GRM4: variants seen among roughly 807,000 people sequenced by gnomAD.
GRM4 encodes the protein glutamate metabotropic receptor 4.
A neutral mutation model predicts 81.7 loss-of-function variants in GRM4; 28 were observed. The ratio of observed to expected loss-of-function variants is 0.34; its 90% CI spans 0.25 to 0.47. The LOEUF is 0.47. GRM4 is among the 20% of genes least tolerant of loss of function. GRM4 has a pLI of 1.00. For missense variants in GRM4, 948 were observed against 1,290.0 expected (o/e 0.73, Z 4.06); for synonymous variants, 488 against 528.8 (o/e 0.92, Z 1.06).
At chr6:34,057,560 C>T (rs750373175) in intron 5 of GRM4, among the ~76,000 whole-genome samples, 5 of 152,224 alleles carry the variant, frequency 3.3e-5, no homozygotes, top group Non-Finnish European at 7.3e-5. Context: ...AGCAGTACCC[C>T]GACCTCTACC....
In GRM4 at chr6:34,111,578, C is replaced by T. The variant is rs1018163008; in HGVS notation, c.520-19479G>A. 6.6e-6 allele frequency among the ~76,000 whole-genome samples: 1 copy of T among 152,088 alleles called. No homozygotes were observed. The highest frequency in any genetic ancestry group is 1.5e-5 in the Non-Finnish European group (1 of 68,006). ...CATGGTAGGCAAGAGAGTGCTGTCC[C>T]CCATCCACACCCCGGCAGGGGACAG... On this transcript the variant is annotated intron_variant, in intron 2 of 10. Transcript: ENST00000538487. This position sits in a 1 kb window ranked among gnomAD's most constrained non-coding sequence, Gnocchi z 5.1.
rs1581573765 is a variant in GRM4, at chr6:34,022,394, T to G, written c.*427A>C. 1.1e-5 allele frequency: 2 copies of G among 190,162 alleles called. No homozygotes were observed. The highest frequency in any genetic ancestry group is 2.2e-5 in the Non-Finnish European group (2 of 92,146). The allele number at this position is 190,162 out of a possible 1,614,324, so 11.8% of individuals were successfully genotyped here. On this transcript the variant is annotated 3_prime_UTR_variant, in exon 11 of 11. Transcript: ENST00000538487. The surrounding 1 kb of genome is among the most constrained non-coding windows in gnomAD (Gnocchi z 5.6). ...AAGGAGACACAGAAAAGGCCAAGAG[T>G]ACAAGCAGCCGGGGACGCCAGAGAG... is the stretch of plus-strand genomic sequence containing the variant.
rs1414240530 is a variant in GRM4, at chr6:34,042,877, C to A, written c.1169-2129G>T. On this transcript the variant is annotated intron_variant, in intron 6 of 10. Transcript: ENST00000538487. The surrounding 1 kb of genome is among the most constrained non-coding windows in gnomAD (Gnocchi z 4.2). The stretch of plus-strand genomic sequence containing the variant: ...AATCCTGGCCACACCAGTGGCCACA[C>A]CCACACAAGGATGTGGGGATGGGGG... Among the ~76,000 whole-genome samples the A allele has an allele frequency of 6.6e-6, 1 of 152,194 alleles. No homozygotes were observed. The highest frequency in any genetic ancestry group is 1.5e-5 in the Non-Finnish European group (1 of 68,018).
intron 2 of GRM4, among the ~76,000 whole-genome samples, chr6:34,112,788 A>G (rs1348611499): frequency 6.6e-6 from 1 of 152,074 alleles, no homozygotes; most frequent in Non-Finnish European, 1.5e-5. Context: ...TGAAACACCA[A>G]GAATGCGAGT....
At position 34,121,610 on chromosome 6, in the gene GRM4, C is replaced by T. The variant is rs553820772; in HGVS notation, c.519+11368G>A. On this transcript the variant is annotated intron_variant, in intron 2 of 10. Coordinates refer to ENST00000538487, the MANE Select transcript of GRM4 (RefSeq NM_000841.4). The surrounding 1 kb of genome is among the most constrained non-coding windows in gnomAD (Gnocchi z 4.6). The stretch of plus-strand genomic sequence containing the variant: ...GGCTGGAGACCAGGAGCAGGCAGCA[C>T]CTTCGAGGCAGATCCCCGCTCAGGG... Among the ~76,000 whole-genome samples the T allele has an allele frequency of 1.3e-5, 2 of 152,188 alleles. No homozygotes were observed. Among genetic ancestry groups the T allele is most frequent in the African/African-American group, 4.8e-5 (2 of 41,442 alleles).
rs534110039 is a variant in GRM4 at position 34,115,650 on chromosome 6, GC to G, written c.519+17327del. On this transcript the variant is annotated intron_variant, in intron 2 of 10. Coordinates refer to ENST00000538487, the MANE Select transcript of GRM4 (RefSeq NM_000841.4). This position sits in a 1 kb window ranked among gnomAD's most constrained non-coding sequence, Gnocchi z 4.1. ...AGAGCCTTTCTAGCTTCCCAAAGGG[GC>G]CCTGGGACAAGCCTTGCTGGGTTTT... Among the ~76,000 whole-genome samples, 76 of 152,284 alleles carry G rather than the reference GC, an allele frequency of 5.0e-4. No individual in the cohort carries two copies. Among genetic ancestry groups the G allele is most frequent in the African/African-American group, 1.6e-3 (66 of 41,564 alleles).
At position 34,133,219 on chromosome 6, in the gene GRM4, G is replaced by C. The variant is rs765547076; in HGVS notation, c.278C>G (p.Pro93Arg). ...CAGCGTGATGTTAGGCAGCAGGTCC[G>C]GGTCGTTGTTGATGCGATCCAGGGC... ...LFALDRINND[P>R]DLLPNITLGA... Residue 93 changes from proline (P) to arginine (R), a missense_variant, in exon 2 of 11, where the codon CCG becomes CGG. By Grantham distance (103) the Pro-to-Arg change is moderately radical. Coordinates refer to ENST00000538487, the MANE Select transcript of GRM4 (RefSeq NM_000841.4). The surrounding 1 kb of genome is among the most constrained non-coding windows in gnomAD (Gnocchi z 6.5). 7 of 1,614,166 alleles carry C rather than the reference G, an allele frequency of 4.3e-6. 1 individual carries two copies. The highest frequency in any genetic ancestry group is 3.3e-5 in the South Asian group (3 of 91,090).
chr6:34,056,398 T>G, intron 6 of GRM4, 146 bp downstream of exon 6: 1 of 550,668 alleles, frequency 1.8e-6, no homozygotes, highest in Non-Finnish European at 3.1e-6. Flanking sequence ...GCCTCCCAAC[T>G]CCACCCCAGG....
intron 2 of GRM4, among the ~76,000 whole-genome samples, chr6:34,125,982 T>C (rs929451769): frequency 6.6e-6 from 1 of 152,212 alleles, no homozygotes; most frequent in Non-Finnish European, 1.5e-5. Context: ...TAGCCTCCCC[T>C]GAGCACCTCC....
At chr6:34,033,681 T>C (rs1226867895) in intron 9 of GRM4, among the ~76,000 whole-genome samples, 1 of 145,020 alleles carries the variant, frequency 6.9e-6, no homozygotes, top group Admixed American at 6.9e-5. Context: ...TTCTTTCTCT[T>C]TCTCTCTCTC....
rs1768133433 is a variant in GRM4 at position 34,090,315 on chromosome 6, T to C, written c.736+1568A>G. On this transcript the variant is annotated intron_variant, in intron 3 of 10. Transcript: ENST00000538487. The surrounding 1 kb of genome is among the most constrained non-coding windows in gnomAD (Gnocchi z 5.2). ...GAGGTCATGCATTAAACAGAAAAGGTAGGAGGTTGGTTTGGGGAAGAGTTG... is the reference window on the plus strand; with the variant it reads ...GAGGTCATGCATTAAACAGAAAAGGCAGGAGGTTGGTTTGGGGAAGAGTTG... 6.6e-6 allele frequency among the ~76,000 whole-genome samples: 1 copy of C among 151,644 alleles called. No individual in the cohort carries two copies. The highest frequency in any genetic ancestry group is 1.5e-5 in the Non-Finnish European group (1 of 67,874).
intron 2 of GRM4, among the ~76,000 whole-genome samples, chr6:34,123,356 C>T (rs1252037584): frequency 6.6e-6 from 1 of 152,166 alleles, no homozygotes. Flanking sequence ...TCCCCATCAC[C>T]ATGCTCCGTG....
chr6:34,091,933 C>G lies in GRM4; in HGVS notation c.686G>C (p.Ser229Thr), dbSNP rs934735561. The G allele has an allele frequency of 1.2e-6, 2 of 1,614,016 alleles. No homozygotes were observed. Among genetic ancestry groups the G allele is most frequent in the African/African-American group, 2.7e-5 (2 of 74,952 alleles). The change falls in exon 3 of 11, where the codon AGC (serine) becomes ACC (threonine). Residue 229 changes from serine (S) to threonine (T), a missense_variant. Ser to Thr is a moderately conservative substitution (Grantham distance 58). Coordinates refer to ENST00000538487, the MANE Select transcript of GRM4 (RefSeq NM_000841.4). Reference sequence around the variant, plus strand: ...GGCCTCCACACCGCTCTCACCATAGCTGCCCTCCGAGGCCACTGTGGACAC... The same window carrying G: ...GGCCTCCACACCGCTCTCACCATAGGTGCCCTCCGAGGCCACTGTGGACAC... ...NYVSTVASEG[S>T]YGESGVEAFI...
At position 34,064,233 on chromosome 6, in the gene GRM4, T is replaced by C. The variant is rs1766334134; in HGVS notation, c.737-2205A>G. 2.0e-5 allele frequency among the ~76,000 whole-genome samples: 3 copies of C among 152,120 alleles called. No individual in the cohort carries two copies. The highest frequency in any genetic ancestry group is 6.5e-5 in the Admixed American group (1 of 15,280). On this transcript the variant is annotated intron_variant, in intron 3 of 10. Coordinates refer to ENST00000538487, the MANE Select transcript of GRM4 (RefSeq NM_000841.4). This position sits in a 1 kb window ranked among gnomAD's most constrained non-coding sequence, Gnocchi z 4.4. Reference sequence around the variant, plus strand: ...GGCGGGGGTGTGCAGAGCTCCGTAATACTAATGAACATTTATGGAGTGTCC... The same window carrying C: ...GGCGGGGGTGTGCAGAGCTCCGTAACACTAATGAACATTTATGGAGTGTCC...
Position 34,133,423 on chromosome 6 carries a change from G to A in GRM4, c.74C>T (p.Pro25Leu). 7 of 1,612,586 alleles carry A rather than the reference G, an allele frequency of 4.3e-6. No individual in the cohort carries two copies. The highest frequency in any genetic ancestry group is 5.9e-6 in the Non-Finnish European group (7 of 1,179,542). ...CTTTCCCAGGGAGGAAGGCATCCAG[G>A]GGCCGTAAAGGCTGAGGAGCAGGCA... ...PLCLLLSLYG[P>L]WMPSSLGKPK... Residue 25 changes from proline to leucine, a missense_variant, in exon 2 of 11, where the codon CCC (proline) becomes CTC (leucine). By Grantham distance (98) the Pro-to-Leu change is moderately conservative. Transcript: ENST00000538487. The surrounding 1 kb of genome is among the most constrained non-coding windows in gnomAD (Gnocchi z 6.5).
At position 34,022,943 on chromosome 6, in the gene GRM4, C is replaced by G; in HGVS notation, c.2690-73G>C. ...CTCAAACTGTCCTTCCACATGGGCA[C>G]AGCCCTGCACAAGAACCTACCATAG... On this transcript the variant is annotated intron_variant, in intron 10 of 10. Coordinates refer to ENST00000538487, the MANE Select transcript of GRM4 (RefSeq NM_000841.4). The surrounding 1 kb of genome is among the most constrained non-coding windows in gnomAD (Gnocchi z 5.6). The G allele has an allele frequency of 1.7e-6, 2 of 1,151,052 alleles. No homozygotes were observed. Among genetic ancestry groups the G allele is most frequent in the Non-Finnish European group, 2.6e-6 (2 of 758,592 alleles). 71.3% of individuals were successfully genotyped at this position (1,151,052 alleles called of 1,614,324 possible).
Position 34,036,670 on chromosome 6 carries a change from G to T in GRM4, c.1507-67C>A. The T allele has an allele frequency of 1.1e-6, 1 of 871,022 alleles. No individual in the cohort carries two copies. The highest frequency in any genetic ancestry group is 1.8e-6 in the Non-Finnish European group (1 of 564,104). 54.0% of individuals were successfully genotyped at this position (871,022 alleles called of 1,614,324 possible). On this transcript the variant is annotated intron_variant, in intron 8 of 10. Transcript: ENST00000538487. The surrounding 1 kb of genome is among the most constrained non-coding windows in gnomAD (Gnocchi z 9.0). ...ACCCGGTGCCCCGGACCATCCTACT[G>T]GGTGGTGGCACCTTGTAGCCCCACA...
intron 6 of GRM4, among the ~76,000 whole-genome samples, 160 bp from the exon 7 acceptor site, chr6:34,040,908 G>A (rs192648068): frequency 6.6e-6 from 1 of 152,322 alleles, no homozygotes; most frequent in Admixed American, 6.5e-5. Flanking sequence ...TATCACCCAG[G>A]AGATGGCCCT....
chr6:34,026,683 G>A (rs940203113), intron 10 of GRM4, among the ~76,000 whole-genome samples: 2 of 152,140 alleles, frequency 1.3e-5, no homozygotes, highest in African/African-American at 2.4e-5. Flanking sequence ...AGCAGAGGCA[G>A]AGGGCAGTAC....
Sources: gnomAD v4.1 joint callset for allele counts (sites outside exome capture counted in the v4.1 genomes callset) on GRCh38, gnomAD v4.1.1 for gene constraint, Gnocchi (gnomAD v3.1) non-coding constraint, MANE v1.5 for transcripts, NCBI Gene and HGNC (gene_info 2026-07-23, HGNC 2026-07-21) for gene names.